The following AKTIP variants were observed in gnomAD, a reference collection of about 807,000 sequenced individuals.
AKTIP encodes AKT interacting protein.
A neutral mutation model predicts 39.1 loss-of-function variants in AKTIP; 16 were observed. The ratio of observed to expected loss-of-function variants is 0.41; its 90% CI spans 0.28 to 0.62. The LOEUF is 0.62. Ranked by LOEUF, AKTIP falls within the 20% of genes least tolerant of loss-of-function variation. The pLI is 0.32. For synonymous variants in AKTIP, 93 were observed against 124.3 expected, an observed-to-expected ratio of 0.75 and a Z score of 1.67; for missense variants, 262 against 356.6, an observed-to-expected ratio of 0.73 and a Z score of 2.14.
At chr16:53,502,716 C>G (rs1377070970) in intron 1 of AKTIP, 1 of 152,262 alleles carries the variant, frequency 6.6e-6, no homozygotes, top group African/African-American at 2.4e-5. Context: ...CGAGGTGATG[C>G]AAGGCGGGGG....
chr16:53,500,158 C>T, intron 2 of AKTIP, 60 bp downstream of exon 2: 1 of 1,317,024 alleles, frequency 7.6e-7, no homozygotes, highest in Non-Finnish European at 1.1e-6. Flanking sequence ...TTCATTCTGA[C>T]CCTATTTTCA....
rs1194237105 is a variant in AKTIP, at chr16:53,494,210, A to G, written c.638T>C (p.Val213Ala). 3 of 1,614,200 alleles carry G rather than the reference A, an allele frequency of 1.9e-6. No individual in the cohort carries two copies. In the South Asian group the frequency reaches 3.3e-5, roughly 18 times the overall value. Residue 213 changes from valine (V) to alanine (A), a missense_variant, in exon 8 of 10, where the codon GTT becomes GCT. Physicochemically the swap from Val to Ala is moderately conservative, Grantham distance 64. Coordinates refer to ENST00000394657, the MANE Select transcript of AKTIP (RefSeq NM_022476.4). ...AGTGCACACCTTAACACTGTCAACAACTTTACTTTTAAAAAGCTGAATATC... is the reference window on the plus strand; with the variant it reads ...AGTGCACACCTTAACACTGTCAACAGCTTTACTTTTAAAAAGCTGAATATC... ...EKDIQLFKSKVVDSVKVCTAR... is the reference protein window; with the variant it reads ...EKDIQLFKSKAVDSVKVCTAR...
At chr16:53,501,153 G>A (rs1453243425) in intron 1 of AKTIP, 2 of 152,218 alleles carry the variant, frequency 1.3e-5, no homozygotes, top group Admixed American at 1.3e-4. Flanking sequence ...AAAGAAATAA[G>A]AGAAAACAGG....
Position 53,498,378 on chromosome 16 carries a change from G to T in AKTIP, c.248+13C>A, listed in dbSNP as rs751944152. 2.5e-6 allele frequency: 4 copies of T among 1,612,886 alleles called. No individual in the cohort carries two copies. The Admixed American group carries it at 6.7e-5, about 27-fold the overall frequency. The stretch of plus-strand genomic sequence containing the variant: ...CATTCCTAATTTAACCAAATAGTTT[G>T]TTAAGGACTTACAATTCTGCAAGAA... On this transcript the variant is annotated intron_variant, in intron 3 of 9. Coordinates refer to ENST00000394657, the MANE Select transcript of AKTIP (RefSeq NM_022476.4).
At chr16:53,496,162 A>G (rs1460465425) in intron 3 of AKTIP, among the ~76,000 whole-genome samples, 1 of 152,110 alleles carries the variant, frequency 6.6e-6, no homozygotes, top group Non-Finnish European at 1.5e-5. Context: ...TTTATTACCT[A>G]CTTTCCATTC....
At chr16:53,494,629 T>C (rs374692428) in intron 5 of AKTIP, 24 bp from the exon 6 acceptor site, 3 of 1,605,264 alleles carry the variant, frequency 1.9e-6, no homozygotes, top group Non-Finnish European at 2.6e-6. Flanking sequence ...AAGAGAGACA[T>C]GTCCTTTAAT....
intron 5 of AKTIP, 187 bp from the exon 6 acceptor site, chr16:53,494,792 G>C (rs768519161): frequency 4.2e-6 from 3 of 707,154 alleles, no homozygotes; most frequent in Non-Finnish European, 2.4e-6. Flanking sequence ...GCAATGAAGC[G>C]GGGAAAACTC....
At chr16:53,499,410 A>G (rs1160519601) in intron 2 of AKTIP, among the ~76,000 whole-genome samples, 2 of 152,098 alleles carry the variant, frequency 1.3e-5, no homozygotes, top group East Asian at 3.8e-4. Context: ...ATAGAAAAAA[A>G]GTAATAGTGG....
At chr16:53,495,046 T>C (rs897620486) in intron 5 of AKTIP, 27 bp downstream of exon 5, 2 of 1,596,196 alleles carry the variant, frequency 1.3e-6, no homozygotes, top group Non-Finnish European at 1.7e-6. Flanking sequence ...GATCCACAAA[T>C]AAAGCCAGAC....
Position 53,498,595 on chromosome 16 carries a change from C to T in AKTIP, c.44G>A (p.Arg15Gln), listed in dbSNP as rs764155782. 79 of 1,613,752 alleles carry T rather than the reference C, an allele frequency of 4.9e-5. 1 individual carries two copies. The East Asian group carries it at 1.4e-3, about 28-fold the overall frequency. Reference sequence around the variant, plus strand: ...TAATGTCTTCTCTTCACCTTCAGATCGCTATACAAGATGAAGTTGTAAGAA... The same window carrying T: ...TAATGTCTTCTCTTCACCTTCAGATTGCTATACAAGATGAAGTTGTAAGAA... ...WSMSTSSVRK[R>Q]SEGEEKTLTG... is the part of the protein sequence containing the mutation. The change falls in exon 3 of 10, where the codon CGA becomes CAA. Residue 15 changes from arginine to glutamine, a missense_variant and splice_region_variant. Around this residue, in one of 4 missense-constraint regions of AKTIP, gnomAD observed 88 missense variants for 132.1 expected, o/e 0.67. Transcript: ENST00000394657.
Position 53,498,427 on chromosome 16 carries a change from C to A in AKTIP, c.212G>T (p.Gly71Val). Residue 71 changes from glycine (G) to valine (V), a missense_variant, in exon 3 of 10, where the codon GGA becomes GTA. Physicochemically the swap from Gly to Val is moderately radical, Grantham distance 109 (BLOSUM62 -3). This residue lies in a region of AKTIP where 88 missense variants were observed against 132.1 expected (regional missense o/e 0.67). Transcript: ENST00000394657. ...AAGAGAGTATTCCAGGTAGAAGGGT[C>A]CATAGGACGCATGCGTGCCATTTGT... The part of the protein sequence containing the change: ...QSTNGTHASY[G>V]PFYLEYSLLA... 6.2e-7 allele frequency: 1 copy of A among 1,613,948 alleles called. No individual in the cohort carries two copies.
Position 53,498,487 on chromosome 16 carries a change from G to C in AKTIP, c.152C>G (p.Thr51Ser). 1 of 1,614,074 alleles carries C rather than the reference G, an allele frequency of 6.2e-7. No homozygotes were observed. The highest frequency in any genetic ancestry group is 1.3e-5 in the African/African-American group (1 of 75,062). Residue 51 changes from threonine (T) to serine (S), a missense_variant, in exon 3 of 10, where the codon ACT becomes AGT. By Grantham distance (58) the Thr-to-Ser change is moderately conservative. Transcript: ENST00000394657. Reference protein sequence around the residue: ...PSIPKNALPITKPTSPAPAAQ... With the variant: ...PSIPKNALPISKPTSPAPAAQ... ...TGCTGGGGCAGGAGATGTAGGCTTAGTTATGGGCAAAGCATTTTTGGGAAT... is the reference window on the plus strand; with the variant it reads ...TGCTGGGGCAGGAGATGTAGGCTTACTTATGGGCAAAGCATTTTTGGGAAT...
intron 8 of AKTIP, 30 bp from the exon 9 acceptor site, chr16:53,492,783 A>G (rs372664127): frequency 3.1e-6 from 5 of 1,597,142 alleles, no homozygotes; most frequent in Non-Finnish European, 4.3e-6. Flanking sequence ...TTTAAAAACT[A>G]TTTGTTGGCT....
chr16:53,496,700 G>A (rs1419790110), intron 3 of AKTIP, among the ~76,000 whole-genome samples: 1 of 151,978 alleles, frequency 6.6e-6, no homozygotes, highest in Non-Finnish European at 1.5e-5. Flanking sequence ...CGGGTGTGGT[G>A]GCGCACACCT....
At chr16:53,498,647 C>A in intron 2 of AKTIP, 51 bp from the exon 3 acceptor site, 1 of 1,557,662 alleles carries the variant, frequency 6.4e-7, no homozygotes. Context: ...TCTTAAATCA[C>A]AAGAGTACAT....
chr16:53,497,596 C>T (rs544817807), intron 3 of AKTIP, among the ~76,000 whole-genome samples: 1 of 152,196 alleles, frequency 6.6e-6, no homozygotes. Flanking sequence ...AGGCTGCCTA[C>T]AAGGCGACAA....
Position 53,494,509 on chromosome 16 carries a change from T to G in AKTIP, c.503+8A>C, listed in dbSNP as rs752045477. 3 of 1,614,146 alleles carry G rather than the reference T, an allele frequency of 1.9e-6. No individual in the cohort carries two copies. Among genetic ancestry groups the G allele is most frequent in the Admixed American group, 1.7e-5 (1 of 60,028 alleles). On this transcript the variant is annotated splice_region_variant and intron_variant, in intron 6 of 9. Coordinates refer to ENST00000394657, the MANE Select transcript of AKTIP (RefSeq NM_022476.4). ...TATGTCACTAAAAGAAACACTTTATTTACTTACCTCCATTTTGCAAATGCT... is the reference window on the plus strand; with the variant it reads ...TATGTCACTAAAAGAAACACTTTATGTACTTACCTCCATTTTGCAAATGCT...
chr16:53,492,401 T>G lies in AKTIP; in HGVS notation c.*11A>C. 9.9e-6 allele frequency: 16 copies of G among 1,610,590 alleles called. No individual in the cohort carries two copies. Among genetic ancestry groups the G allele is most frequent in the Non-Finnish European group, 1.4e-5 (16 of 1,178,576 alleles). On this transcript the variant is annotated 3_prime_UTR_variant, in exon 10 of 10. Coordinates refer to ENST00000394657, the MANE Select transcript of AKTIP (RefSeq NM_022476.4). ...GCAGGAAAGTGCATGGTGCACCAGA[T>G]TCACCATCTCTTAAGTCGCCACTGT...
In AKTIP at chr16:53,495,166, A is replaced by C; in HGVS notation, c.321T>G (p.Phe107Leu). ...QPSYRSALMW[F>L]GVIFIRHGLY... ...GTCCATGCCGTATGAATATTACTCC[A>C]AACCACACTGTAGGAAAAAATAAAA... is the stretch of plus-strand genomic sequence containing the variant. Residue 107 changes from phenylalanine to leucine, a missense_variant, in exon 5 of 10, where the codon TTT (phenylalanine) becomes TTG (leucine). Physicochemically the swap from Phe to Leu is conservative, Grantham distance 22. This residue lies in a region of AKTIP where 88 missense variants were observed against 132.1 expected (regional missense o/e 0.67). Transcript: ENST00000394657. 6.2e-7 allele frequency: 1 copy of C among 1,613,490 alleles called. No individual in the cohort carries two copies. Among genetic ancestry groups the C allele is most frequent in the Non-Finnish European group, 8.5e-7 (1 of 1,179,514 alleles).
Sources: gnomAD v4.1 joint callset for allele counts (sites outside exome capture counted in the v4.1 genomes callset) on GRCh38, gnomAD v4.1.1 for gene constraint, gnomAD v4.1.1 regional missense constraint, MANE v1.5 for transcripts, NCBI Gene and HGNC (gene_info 2026-07-23, HGNC 2026-07-21) for gene names.